The following PRKAG2 variants were observed in gnomAD, a reference collection of about 807,000 sequenced individuals.
The protein encoded by PRKAG2 is 5'-AMP-activated protein kinase subunit gamma-2.
Under a neutral mutation model 69.6 loss-of-function variants are expected in PRKAG2, and 26 were observed. That is an observed-to-expected ratio of 0.37 (90% CI 0.27 to 0.52). PRKAG2 has a LOEUF of 0.52. Among genes scored for constraint, PRKAG2 ranks in the 20% least tolerant of loss-of-function variants. The pLI, the probability that PRKAG2 is intolerant of heterozygous loss-of-function variation, is 0.90. For missense variants in PRKAG2, 557 were observed against 740.0 expected (o/e 0.75, Z 2.87); for synonymous variants, 293 against 285.0 (o/e 1.03, Z -0.28).
chr7:151,632,273 G>A lies in PRKAG2; in HGVS notation c.685-135C>T, dbSNP rs1336465186. On this transcript the variant is annotated intron_variant, in intron 4 of 15. Transcript: ENST00000287878. The surrounding 1 kb of genome is among the most constrained non-coding windows in gnomAD (Gnocchi z 4.2). The stretch of plus-strand genomic sequence containing the variant: ...AGGAGGGGCCTGGCAGGGGACGCGG[G>A]CAGCGGGGGCCGGGGGCGGAGCGGG... 2.0e-6 allele frequency: 2 copies of A among 1,015,376 alleles called. No homozygotes were observed. Among genetic ancestry groups the A allele is most frequent in the Middle Eastern group, 4.6e-4 (1 of 2,152 alleles). The allele number at this position is 1,015,376 out of a possible 1,614,324, so 62.9% of individuals were successfully genotyped here.
chr7:151,676,615 A>G (rs1257683691), intron 3 of PRKAG2, among the ~76,000 whole-genome samples: 1 of 152,156 alleles, frequency 6.6e-6, no homozygotes, highest in East Asian at 1.9e-4. Context: ...TTAAGTGGCG[A>G]GTGTACACCT....
intron 5 of PRKAG2, among the ~76,000 whole-genome samples, chr7:151,602,956 T>C (rs1816479529): frequency 1.3e-5 from 2 of 152,226 alleles, no homozygotes; most frequent in African/African-American, 2.4e-5. Context: ...CATGCAGAAC[T>C]GTGAGTCAAT....
Position 151,699,854 on chromosome 7 carries a change from GAC to G in PRKAG2, c.467-24219_467-24218del, listed in dbSNP as rs1489731018. On this transcript the variant is annotated intron_variant, in intron 3 of 15. Coordinates refer to ENST00000287878, the MANE Select transcript of PRKAG2 (RefSeq NM_016203.4). The surrounding 1 kb of genome is among the most constrained non-coding windows in gnomAD (Gnocchi z 4.5). ...TTGATATAGGCTGGTCTTTAAGAAG[GAC>G]TGGGACTAAGATAAACTGGGGTACA... is the stretch of plus-strand genomic sequence containing the variant. 6.6e-6 allele frequency among the ~76,000 whole-genome samples: 1 copy of G among 152,174 alleles called. No individual in the cohort carries two copies. Among genetic ancestry groups the G allele is most frequent in the Non-Finnish European group, 1.5e-5 (1 of 68,026 alleles).
chr7:151,871,088 T>C (rs960310202), intron 1 of PRKAG2, among the ~76,000 whole-genome samples: 3 of 152,206 alleles, frequency 2.0e-5, no homozygotes, highest in Non-Finnish European at 2.9e-5. Flanking sequence ...TCCAGCTCTG[T>C]CATTGGCTTG....
chr7:151,875,565 GT>G lies in PRKAG2; in HGVS notation c.114+941del, dbSNP rs2080370977. The stretch of plus-strand genomic sequence containing the variant: ...AACTTTCTCTACGGAGCACTCTGGT[GT>G]GTGTGTGTGTGTGTGTGTGTGTGTG... On this transcript the variant is annotated intron_variant, in intron 1 of 15. Transcript: ENST00000287878. 5.5e-3 allele frequency among the ~76,000 whole-genome samples: 226 copies of G among 41,460 alleles called. 1 individual carries two copies. The highest frequency in any genetic ancestry group is 0.017 in the African/African-American group (174 of 10,244). The allele number at this position is 41,460 out of a possible 152,430, so 27.2% of individuals were successfully genotyped here. A position where few individuals can be genotyped will look rare whatever the true frequency, so the allele number is the denominator to read the frequency against.
intron 4 of PRKAG2, among the ~76,000 whole-genome samples, chr7:151,666,439 G>A (rs1831057860): frequency 6.6e-6 from 1 of 152,206 alleles, no homozygotes; most frequent in Non-Finnish European, 1.5e-5. Flanking sequence ...CCAGCCTCCA[G>A]AACCGTGACA....
intron 1 of PRKAG2, among the ~76,000 whole-genome samples, chr7:151,854,914 GCACACACACCACTTTA>G (rs1476668682): frequency 1.3e-5 from 2 of 151,696 alleles, no homozygotes; most frequent in South Asian, 2.1e-4. Flanking sequence ...GCTGGGGAAA[GCACACACACCACTTTA>G]CACACACACC....
chr7:151,792,759 C>A lies in PRKAG2; in HGVS notation c.115-6218G>T, dbSNP rs957519473. Among the ~76,000 whole-genome samples, 4 of 152,240 alleles carry A rather than the reference C, an allele frequency of 2.6e-5. 1 individual carries two copies. The highest frequency in any genetic ancestry group is 2.6e-4 in the Admixed American group (4 of 15,290). On this transcript the variant is annotated intron_variant, in intron 1 of 15. Coordinates refer to ENST00000287878, the MANE Select transcript of PRKAG2 (RefSeq NM_016203.4). ...ATACAACATTCCTGTTTGATTCCAA[C>A]CGAGGAAGCAACACATCGAGAATGA...
rs1171157821 is a variant in PRKAG2 at position 151,699,711 on chromosome 7, G to T, written c.467-24074C>A. Among the ~76,000 whole-genome samples the T allele has an allele frequency of 6.6e-6, 1 of 152,210 alleles. No individual in the cohort carries two copies. The highest frequency in any genetic ancestry group is 2.4e-5 in the African/African-American group (1 of 41,436). On this transcript the variant is annotated intron_variant, in intron 3 of 15. Transcript: ENST00000287878. The surrounding 1 kb of genome is among the most constrained non-coding windows in gnomAD (Gnocchi z 4.5). ...AAGAAATGCATGAGCCATTAAGACAGTGCAGGAAGCATCTGATGGAGGACA... is the reference window on the plus strand; with the variant it reads ...AAGAAATGCATGAGCCATTAAGACATTGCAGGAAGCATCTGATGGAGGACA...
In PRKAG2 at chr7:151,814,390, A is replaced by G; in HGVS notation, c.115-27849T>C. On this transcript the variant is annotated intron_variant, in intron 1 of 15. Coordinates refer to ENST00000287878, the MANE Select transcript of PRKAG2 (RefSeq NM_016203.4). The surrounding 1 kb of genome is among the most constrained non-coding windows in gnomAD (Gnocchi z 4.8). The stretch of plus-strand genomic sequence containing the variant: ...GACGCACAATCACTATGCATTTAGA[A>G]AGCCAGCTCCCGCAGGTCTGCTTAC... The G allele has an allele frequency of 8.2e-7, 1 of 1,218,028 alleles. No individual in the cohort carries two copies. The highest frequency in any genetic ancestry group is 1.0e-6 in the Non-Finnish European group (1 of 979,136). 75.5% of individuals were successfully genotyped at this position (1,218,028 alleles called of 1,614,324 possible).
intron 1 of PRKAG2, among the ~76,000 whole-genome samples, chr7:151,833,941 A>C (rs1287216438): frequency 6.6e-6 from 1 of 152,206 alleles, no homozygotes; most frequent in Admixed American, 6.5e-5. Flanking sequence ...CTCACCGTCC[A>C]TCTCTCCTTC....
At chr7:151,608,786 ACCTTTATATT>A (rs1268608136) in intron 5 of PRKAG2, among the ~76,000 whole-genome samples, 4 of 152,052 alleles carry the variant, frequency 2.6e-5, no homozygotes, top group Non-Finnish European at 5.9e-5. Flanking sequence ...TTAAAGGATT[ACCTTTATATT>A]CCTTTATAAG....
At chr7:151,729,785 G>A (rs149562999) in intron 3 of PRKAG2, among the ~76,000 whole-genome samples, 3 of 152,218 alleles carry the variant, frequency 2.0e-5, no homozygotes, top group African/African-American at 7.2e-5. Context: ...GGCCTCTCCA[G>A]CTCTCGGAAG....
At chr7:151,747,921 T>G (rs1483320926) in intron 3 of PRKAG2, among the ~76,000 whole-genome samples, 14 of 137,422 alleles carry the variant, frequency 1.0e-4, no homozygotes, top group Non-Finnish European at 1.7e-4. Flanking sequence ...AAACTTACTT[T>G]TTTTTTTTTT....
chr7:151,604,897 G>T (rs1402775968), intron 5 of PRKAG2, among the ~76,000 whole-genome samples: 1 of 152,122 alleles, frequency 6.6e-6, no homozygotes, highest in Admixed American at 6.6e-5. Flanking sequence ...GCTGGAAGAG[G>T]TCTCATGCTT....
At chr7:151,860,955 T>TA (rs956402078) in intron 1 of PRKAG2, among the ~76,000 whole-genome samples, 1 of 152,146 alleles carries the variant, frequency 6.6e-6, no homozygotes, top group African/African-American at 2.4e-5. Context: ...CTTGCCAGGT[T>TA]AGATTTCTGC....
chr7:151,566,712 A>AG (rs1806338641), intron 11 of PRKAG2: 1 of 365,578 alleles, frequency 2.7e-6, no homozygotes, highest in African/African-American at 2.1e-5. Flanking sequence ...AGAAATTTAG[A>AG]GAAAAAAAAA....
At position 151,719,261 on chromosome 7, in the gene PRKAG2, G is replaced by A. The variant is rs746084187; in HGVS notation, c.467-43624C>T. Among the ~76,000 whole-genome samples, 1 of 152,242 alleles carries A rather than the reference G, an allele frequency of 6.6e-6. No individual in the cohort carries two copies. Among genetic ancestry groups the A allele is most frequent in the Non-Finnish European group, 1.5e-5 (1 of 68,028 alleles). On this transcript the variant is annotated intron_variant, in intron 3 of 15. Transcript: ENST00000287878. This position sits in a 1 kb window ranked among gnomAD's most constrained non-coding sequence, Gnocchi z 5.2. ...TCTCTGCAACATGCTTCCCGGCCCC[G>A]GCACGCTCAGCCCTGGTCCAACTTA...
At chr7:151,631,653 A>C (rs1405988554) in intron 5 of PRKAG2, 1 of 456,632 alleles carries the variant, frequency 2.2e-6, no homozygotes, top group South Asian at 1.5e-5. Context: ...ATATCTTCAC[A>C]GGCGCAGATA....
Sources: gnomAD v4.1 joint callset for allele counts (sites outside exome capture counted in the v4.1 genomes callset) on GRCh38, gnomAD v4.1.1 for gene constraint, Gnocchi (gnomAD v3.1) non-coding constraint, MANE v1.5 for transcripts, NCBI Gene and HGNC (gene_info 2026-07-23, HGNC 2026-07-21) for gene names.